CASQ2: variants seen among roughly 807,000 people sequenced by gnomAD.
The protein encoded by CASQ2 is calsequestrin 2.
A neutral mutation model predicts 46.5 loss-of-function variants in CASQ2; 49 were observed. The observed-to-expected ratio is 1.05, with a 90% CI of 0.84 to 1.34. The LOEUF (loss-of-function observed/expected upper bound fraction) is 1.34, where lower values mean the gene tolerates loss of function less well. CASQ2 is among the 40% of genes most tolerant of loss of function. CASQ2 has a pLI of 0.00. For missense variants in CASQ2, 486 were observed against 481.3 expected (o/e 1.01, Z -0.09); for synonymous variants, 174 against 168.5 (o/e 1.03, Z -0.25).
At chr1:115,704,203 T>A (rs1654296321) in intron 9 of CASQ2, among the ~76,000 whole-genome samples, 1 of 152,236 alleles carries the variant, frequency 6.6e-6, no homozygotes, top group African/African-American at 2.4e-5. Flanking sequence ...CACAGTATCA[T>A]CAGTCATGAC....
At chr1:115,717,023 C>T (rs1287895951) in intron 8 of CASQ2, among the ~76,000 whole-genome samples, 1 of 152,152 alleles carries the variant, frequency 6.6e-6, no homozygotes, top group Non-Finnish European at 1.5e-5. Context: ...TGAGTTCTCA[C>T]AAGATCTGGT....
intron 1 of CASQ2, among the ~76,000 whole-genome samples, chr1:115,759,828 G>C (rs1648879283): frequency 6.6e-6 from 1 of 152,064 alleles, no homozygotes. Flanking sequence ...ATCTCTTTTG[G>C]GGAAAGGGCT....
intron 5 of CASQ2, among the ~76,000 whole-genome samples, chr1:115,729,798 A>G (rs1647726531): frequency 6.6e-6 from 1 of 152,218 alleles, no homozygotes; most frequent in Non-Finnish European, 1.5e-5. Context: ...TGCCATTACT[A>G]AATTTAGGTC....
chr1:115,729,035 C>CTTTTTTTTTTTTT (rs753965730), intron 5 of CASQ2, among the ~76,000 whole-genome samples: 2 of 68,834 alleles, frequency 2.9e-5, no homozygotes, highest in Non-Finnish European at 2.7e-5. Context: ...CTCTTTCATT[C>CTTTTTTTTTTTTT]TTTTTTTTTT....
At chr1:115,710,082 G>A (rs536958743) in intron 8 of CASQ2, among the ~76,000 whole-genome samples, 19 of 152,248 alleles carry the variant, frequency 1.2e-4, no homozygotes, top group Non-Finnish European at 2.5e-4. Context: ...GGGCTCAAGC[G>A]ATCCTCCCAC....
intron 7 of CASQ2, among the ~76,000 whole-genome samples, chr1:115,723,775 G>A (rs1647475292): frequency 6.6e-6 from 1 of 152,190 alleles, no homozygotes; most frequent in Admixed American, 6.5e-5. Context: ...CTGACGTCAA[G>A]TGATCTGCCC....
At chr1:115,716,516 T>A (rs1654706087) in intron 8 of CASQ2, among the ~76,000 whole-genome samples, 1 of 152,308 alleles carries the variant, frequency 6.6e-6, no homozygotes, top group Middle Eastern at 3.4e-3. Context: ...GTAAATAAAC[T>A]TTTAATGTGA....
intron 2 of CASQ2, among the ~76,000 whole-genome samples, chr1:115,743,879 G>A (rs1037280612): frequency 1.3e-5 from 2 of 151,886 alleles, no homozygotes; most frequent in African/African-American, 4.8e-5. Flanking sequence ...GCTCACGCCT[G>A]TAATCCCACC....
intron 1 of CASQ2, among the ~76,000 whole-genome samples, chr1:115,752,620 A>C (rs1252488388): frequency 6.6e-6 from 1 of 152,180 alleles, no homozygotes; most frequent in African/African-American, 2.4e-5. Flanking sequence ...GCAGGAGAAC[A>C]GGCTGACCTG....
chr1:115,716,443 A>G (rs560433116), intron 8 of CASQ2, among the ~76,000 whole-genome samples: 2 of 152,204 alleles, frequency 1.3e-5, no homozygotes, highest in Non-Finnish European at 2.9e-5. Context: ...TTATGGATTA[A>G]AGTATACATT....
intron 1 of CASQ2, among the ~76,000 whole-genome samples, chr1:115,766,286 G>A (rs1184167248): frequency 6.6e-6 from 1 of 152,160 alleles, no homozygotes; most frequent in Non-Finnish European, 1.5e-5. Context: ...TAGGTGTTAC[G>A]TACAACTGCC....
chr1:115,757,462 T>C (rs1422329670), intron 1 of CASQ2, among the ~76,000 whole-genome samples: 1 of 152,164 alleles, frequency 6.6e-6, no homozygotes, highest in Non-Finnish European at 1.5e-5. Flanking sequence ...TTTTGGTCAG[T>C]GAACAGTTGG....
chr1:115,723,274 C>CTACCATCT (rs57499430), intron 7 of CASQ2, among the ~76,000 whole-genome samples: 1 of 150,856 alleles, frequency 6.6e-6, no homozygotes, highest in Non-Finnish European at 1.5e-5. Context: ...ATCTATCTAT[C>CTACCATCT]ATCTATCTAT....
At chr1:115,757,682 G>A (rs2101116768) in intron 1 of CASQ2, among the ~76,000 whole-genome samples, 1 of 152,070 alleles carries the variant, frequency 6.6e-6, no homozygotes, top group East Asian at 1.9e-4. Flanking sequence ...CTGCCCACGT[G>A]CATATATATT....
rs935740320 is a variant in CASQ2 at position 115,726,318 on chromosome 1, T to C, written c.737+674A>G. 2.6e-5 allele frequency among the ~76,000 whole-genome samples: 4 copies of C among 152,246 alleles called. No homozygotes were observed. In the East Asian group the frequency reaches 7.7e-4, roughly 29 times the overall value. ...TGGGACAAATCCAGCCAGGGCCTCC[T>C]GTTTTCCTAAATAAACTTTTACTGG... is the stretch of plus-strand genomic sequence containing the variant. On this transcript the variant is annotated intron_variant, in intron 6 of 10. Transcript: ENST00000261448.
intron 2 of CASQ2, among the ~76,000 whole-genome samples, chr1:115,743,232 TATTC>T (rs1553195642): frequency 6.8e-6 from 1 of 147,498 alleles, no homozygotes; most frequent in Non-Finnish European, 1.5e-5. Flanking sequence ...TTTATTTATT[TATTC>T]ATTCATTCAT....
intron 8 of CASQ2, among the ~76,000 whole-genome samples, chr1:115,706,303 T>G (rs1358291307): frequency 6.6e-6 from 1 of 152,188 alleles, no homozygotes; most frequent in Non-Finnish European, 1.5e-5. Flanking sequence ...AGAAGACCCA[T>G]GATTTGTTTC....
At chr1:115,717,220 A>G (rs1386614905) in intron 8 of CASQ2, among the ~76,000 whole-genome samples, 1 of 152,070 alleles carries the variant, frequency 6.6e-6, no homozygotes, top group African/African-American at 2.4e-5. Context: ...TTTATAAATT[A>G]CCCTGTCTCT....
At chr1:115,728,302 T>C (rs1647664632) in intron 5 of CASQ2, among the ~76,000 whole-genome samples, 1 of 152,200 alleles carries the variant, frequency 6.6e-6, no homozygotes, top group Non-Finnish European at 1.5e-5. Context: ...GAAAGGCATT[T>C]CATATAGTAC....
Sources: gnomAD v4.1 joint callset for allele counts (sites outside exome capture counted in the v4.1 genomes callset) on GRCh38, gnomAD v4.1.1 for gene constraint, MANE v1.5 for transcripts, NCBI Gene and HGNC (gene_info 2026-07-23, HGNC 2026-07-21) for gene names.